Variants in RAD51B observed in about 807,000 individuals in gnomAD.
The protein encoded by RAD51B is DNA repair protein RAD51 homolog 2.
RAD51B carries 38 observed loss-of-function variants against 42.2 expected under a neutral mutation model. That is an observed-to-expected ratio of 0.90 (90% CI 0.70 to 1.18). RAD51B has a LOEUF of 1.18. RAD51B is among the 50% of genes most tolerant of loss of function. The pLI, the probability that RAD51B is intolerant of heterozygous loss-of-function variation, is 0.00. For missense variants in RAD51B, 373 were observed against 400.7 expected (o/e 0.93, Z 0.59); for synonymous variants, 154 against 145.2 (o/e 1.06, Z -0.43).
intron 7 of RAD51B, among the ~76,000 whole-genome samples, chr14:68,119,086 G>T (rs2077598741): frequency 6.6e-6 from 1 of 151,468 alleles, no homozygotes; most frequent in Non-Finnish European, 1.5e-5. Context: ...GTCTCCCCAC[G>T]TACAGGCACG....
rs1223582107 is a variant in RAD51B, at chr14:68,565,975, G to T, written c.1037-28510G>T. 6.6e-6 allele frequency among the ~76,000 whole-genome samples: 1 copy of T among 152,156 alleles called. No individual in the cohort carries two copies. The highest frequency in any genetic ancestry group is 2.1e-4 in the South Asian group (1 of 4,828). On this transcript the variant is annotated intron_variant, in intron 10 of 10. Coordinates refer to the RAD51B transcript ENST00000487270. The surrounding 1 kb of genome is among the most constrained non-coding windows in gnomAD (Gnocchi z 4.1). ...GTGTCTGCTTTTATACCTTGGGTAT[G>T]TTGGGGTAGAAAGCTTTAGGACCAT...
chr14:67,991,896 A>G (rs2075302311), intron 7 of RAD51B, among the ~76,000 whole-genome samples: 2 of 152,192 alleles, frequency 1.3e-5, no homozygotes, highest in Non-Finnish European at 2.9e-5. Context: ...GAACAAGTTT[A>G]TAATATAATA....
chr14:68,240,397 C>T (rs1416401380), intron 7 of RAD51B, among the ~76,000 whole-genome samples: 3 of 152,164 alleles, frequency 2.0e-5, no homozygotes, highest in East Asian at 1.9e-4. Flanking sequence ...AAAAAGAAGA[C>T]ATATTTTTTA....
chr14:68,481,963 T>G (rs942478616), downstream of RAD51B, among the ~76,000 whole-genome samples: 2 of 152,154 alleles, frequency 1.3e-5, no homozygotes, highest in African/African-American at 4.8e-5. Context: ...TCACCATTTT[T>G]AAGGAGCAGA....
At chr14:67,896,315 T>G (rs879926997) in intron 7 of RAD51B, among the ~76,000 whole-genome samples, 1 of 152,208 alleles carries the variant, frequency 6.6e-6, no homozygotes, top group Non-Finnish European at 1.5e-5. Flanking sequence ...AAACTAAAAC[T>G]TAAGTGTCTC....
chr14:68,489,505 C>A (rs139061266), intron 10 of RAD51B, among the ~76,000 whole-genome samples: 107 of 152,380 alleles, frequency 7.0e-4, no homozygotes, highest in African/African-American at 2.5e-3. Context: ...ATCATGAAAT[C>A]TCTTGGTTTC....
Position 68,573,275 on chromosome 14 carries a change from T to A in RAD51B, c.1037-21210T>A, listed in dbSNP as rs145297508. Among the ~76,000 whole-genome samples, 456 of 152,160 alleles carry A rather than the reference T, an allele frequency of 3.0e-3. 2 individuals are homozygous for A. The highest frequency in any genetic ancestry group is 8.9e-3 in the African/African-American group (368 of 41,510). On this transcript the variant is annotated intron_variant, in intron 10 of 10. Transcript: ENST00000487270. ...ACGTGGTCGAGCCCTGCTCCTTCTC[T>A]ACCCCACCTCCTGCTGTGCCCCCTC...
At chr14:68,448,408 A>G (rs2085473490) in intron 9 of RAD51B, among the ~76,000 whole-genome samples, 2 of 152,212 alleles carry the variant, frequency 1.3e-5, no homozygotes, top group East Asian at 3.8e-4. Context: ...TTAACATGTC[A>G]TCTCCTGGAT....
chr14:68,585,991 C>T (rs1222924583), intron 10 of RAD51B, among the ~76,000 whole-genome samples: 1 of 152,114 alleles, frequency 6.6e-6, no homozygotes, highest in East Asian at 1.9e-4. Flanking sequence ...TCATCAAGGC[C>T]CTGCAAAGCA....
chr14:67,858,739 TG>T (rs2042074415), intron 4 of RAD51B, among the ~76,000 whole-genome samples: 1 of 152,190 alleles, frequency 6.6e-6, no homozygotes. Flanking sequence ...GTATCCGGCT[TG>T]GAGGTGGGGT....
chr14:68,525,158 C>A (rs1230848217), intron 10 of RAD51B, among the ~76,000 whole-genome samples: 3 of 152,208 alleles, frequency 2.0e-5, no homozygotes, highest in African/African-American at 7.2e-5. Flanking sequence ...GTAAGAAAGA[C>A]TCAATGGGCC....
At chr14:68,283,366 T>C (rs1322026644) in intron 7 of RAD51B, among the ~76,000 whole-genome samples, 1 of 152,190 alleles carries the variant, frequency 6.6e-6, no homozygotes, top group Non-Finnish European at 1.5e-5. Context: ...ACACGTACAG[T>C]GCAGCAGAAG....
downstream of RAD51B, among the ~76,000 whole-genome samples, chr14:68,613,676 G>C (rs28704805): frequency 0.037 from 5,622 of 151,830 alleles, 115 homozygotes; most frequent in African/African-American, 0.044. Context: ...GGATGGTCTC[G>C]ATCTCCTGAC....
chr14:67,958,833 A>G (rs539997675), intron 7 of RAD51B, among the ~76,000 whole-genome samples: 2 of 152,366 alleles, frequency 1.3e-5, no homozygotes, highest in African/African-American at 4.8e-5. Flanking sequence ...AGTCATTCAT[A>G]TGGACACAAC....
At chr14:68,081,914 TC>T (rs1216074275) in intron 7 of RAD51B, among the ~76,000 whole-genome samples, 2 of 152,136 alleles carry the variant, frequency 1.3e-5, no homozygotes, top group Non-Finnish European at 2.9e-5. Flanking sequence ...TATTTTTTTT[TC>T]CTAACAATTA....
At chr14:68,577,578 C>G (rs550760922) in intron 10 of RAD51B, among the ~76,000 whole-genome samples, 5 of 152,200 alleles carry the variant, frequency 3.3e-5, no homozygotes, top group Admixed American at 3.3e-4. Context: ...AGCCAGGGTT[C>G]AACATGCTCC....
intron 7 of RAD51B, among the ~76,000 whole-genome samples, chr14:68,044,005 G>C (rs1468342858): frequency 6.6e-6 from 1 of 152,122 alleles, no homozygotes; most frequent in African/African-American, 2.4e-5. Context: ...AGCTAAATAT[G>C]GTACCCAACA....
intron 7 of RAD51B, among the ~76,000 whole-genome samples, chr14:68,216,037 G>A (rs117834279): frequency 0.016 from 2,462 of 152,160 alleles, 26 homozygotes; most frequent in Non-Finnish European, 0.026. Flanking sequence ...ACTACTTTTG[G>A]CATTTATAAG....
At chr14:67,944,182 G>A (rs1043841938) in intron 7 of RAD51B, among the ~76,000 whole-genome samples, 2 of 149,342 alleles carry the variant, frequency 1.3e-5, no homozygotes, top group African/African-American at 5.0e-5. Context: ...CTTAGAGTAC[G>A]TGCCTCTAAG....
Sources: gnomAD v4.1 joint callset for allele counts (sites outside exome capture counted in the v4.1 genomes callset) on GRCh38, gnomAD v4.1.1 for gene constraint, Gnocchi (gnomAD v3.1) non-coding constraint, MANE v1.5 for transcripts, NCBI Gene and HGNC (gene_info 2026-07-23, HGNC 2026-07-21) for gene names.